ESR2: variants seen among roughly 807,000 people sequenced by gnomAD.
The protein encoded by ESR2 is estrogen receptor beta.
A neutral mutation model predicts 49.6 loss-of-function variants in ESR2; 36 were observed. That is an observed-to-expected ratio of 0.73 (90% CI 0.56 to 0.96). The LOEUF is 0.96. Among genes scored for constraint, ESR2 ranks in the 40% least tolerant of loss-of-function variants. ESR2 has a pLI of 0.00. For missense variants in ESR2, 714 were observed against 693.0 expected, an observed-to-expected ratio of 1.03 and a Z score of -0.34; for synonymous variants, 320 against 266.1, an observed-to-expected ratio of 1.20 and a Z score of -1.97.
intron 1 of ESR2, among the ~76,000 whole-genome samples, chr14:64,325,619 C>T (rs2077379299): frequency 1.3e-5 from 2 of 151,906 alleles, no homozygotes; most frequent in South Asian, 4.2e-4. Flanking sequence ...CCTTGAAGAC[C>T]GATTTGAATT....
chr14:64,316,189 T>G (rs2077252946), intron 1 of ESR2, among the ~76,000 whole-genome samples: 1 of 151,490 alleles, frequency 6.6e-6, no homozygotes, highest in African/African-American at 2.4e-5. Flanking sequence ...TTTTTTTTTT[T>G]TCTGTAGAGA....
intron 7 of ESR2, among the ~76,000 whole-genome samples, chr14:64,243,140 C>A (rs931784497): frequency 2.0e-5 from 3 of 152,206 alleles, no homozygotes; most frequent in Admixed American, 1.3e-4. Flanking sequence ...CAAACCATAT[C>A]ACTTGGTATT....
chr14:64,274,555 T>C (rs1402818516), intron 3 of ESR2, among the ~76,000 whole-genome samples: 1 of 152,176 alleles, frequency 6.6e-6, no homozygotes, highest in African/African-American at 2.4e-5. Context: ...AAAACCTTCA[T>C]ATTTTGTCAA....
chr14:64,320,832 T>C lies in ESR2; in HGVS notation c.-91+17066A>G, dbSNP rs368210101. On this transcript the variant is annotated intron_variant, in intron 1 of 8. Coordinates refer to the ESR2 transcript ENST00000358599. ...ATCTTTTGAACCCAGGAGGCGGAGGTTGCAGTGAGCTGAGATCATGCCATT... is the reference window on the plus strand; with the variant it reads ...ATCTTTTGAACCCAGGAGGCGGAGGCTGCAGTGAGCTGAGATCATGCCATT... Among the ~76,000 whole-genome samples, 44 of 152,096 alleles carry C rather than the reference T, an allele frequency of 2.9e-4. No individual in the cohort carries two copies. In the East Asian group the frequency reaches 7.1e-3, roughly 25 times the overall value.
chr14:64,304,717 C>A (rs1039667421), intron 1 of ESR2, among the ~76,000 whole-genome samples: 2 of 151,594 alleles, frequency 1.3e-5, no homozygotes, highest in Admixed American at 6.6e-5. Flanking sequence ...AAAAAAAAAT[C>A]TTTTAAAAAT....
chr14:64,286,335 G>A (rs1302828276), intron 1 of ESR2, among the ~76,000 whole-genome samples: 1 of 151,776 alleles, frequency 6.6e-6, no homozygotes. Flanking sequence ...GAGTTTCGCT[G>A]TGTCACCCAG....
rs982110667 is a variant in ESR2, at chr14:64,253,352, A to G, written c.1092-3673T>C. Among the ~76,000 whole-genome samples, 3 of 150,246 alleles carry G rather than the reference A, an allele frequency of 2.0e-5. No individual in the cohort carries two copies. The South Asian group carries it at 6.4e-4, about 32-fold the overall frequency. On this transcript the variant is annotated intron_variant, in intron 6 of 8. Transcript: ENST00000341099. Reference sequence around the variant, plus strand: ...ATTACAGGCGCCTGCCACCACACCCAGCTAATTTTTGTATTTTTAGTAAAG... The same window carrying G: ...ATTACAGGCGCCTGCCACCACACCCGGCTAATTTTTGTATTTTTAGTAAAG...
chr14:64,338,407 C>T (rs1160310318), upstream of ESR2: 1 of 154,996 alleles, frequency 6.5e-6, no homozygotes, highest in African/African-American at 2.4e-5. Context: ...AGGGGCCCGA[C>T]CCCAGTCTGG....
At chr14:64,242,422 A>C (rs1295482439) in intron 7 of ESR2, among the ~76,000 whole-genome samples, 16 of 125,230 alleles carry the variant, frequency 1.3e-4, no homozygotes, top group African/African-American at 3.5e-4. Flanking sequence ...AAAAAACAAA[A>C]AAAACAAAAC....
rs759440360 is a variant in ESR2, at chr14:64,235,113, G to A, written c.1263C>T (p.Asp421=). ...YPLVTATQDA[D]SSRKLAHLLN... The stretch of plus-strand genomic sequence containing the variant: ...GCAAGTGAGCCAGCTTCCGGCTGCT[G>A]TCAGCATCCTGGGTCGCTGTGACCA... The change falls in exon 8 of 9, where the codon GAC becomes GAT. Residue 421 remains aspartate, a synonymous_variant. Coordinates refer to ENST00000341099, the MANE Select transcript of ESR2 (RefSeq NM_001437.3). 4.3e-6 allele frequency: 7 copies of A among 1,613,972 alleles called. No homozygotes were observed. The Admixed American group carries it at 1.2e-4, about 27-fold the overall frequency.
chr14:64,317,422 T>C (rs2077269227), intron 1 of ESR2, among the ~76,000 whole-genome samples: 1 of 151,938 alleles, frequency 6.6e-6, no homozygotes, highest in Non-Finnish European at 1.5e-5. Flanking sequence ...TGGCAGAAGG[T>C]GAAGGGGGAG....
At chr14:64,237,019 G>A (rs2075619170) in intron 7 of ESR2, among the ~76,000 whole-genome samples, 1 of 151,682 alleles carries the variant, frequency 6.6e-6, no homozygotes, top group Non-Finnish European at 1.5e-5. Flanking sequence ...GGAGTGCAGT[G>A]GTACAATCTC....
intron 1 of ESR2, among the ~76,000 whole-genome samples, chr14:64,316,713 G>A (rs1485789958): frequency 2.0e-5 from 3 of 152,080 alleles, no homozygotes; most frequent in African/African-American, 4.8e-5. Flanking sequence ...GTAGGCTGAG[G>A]CAAGAGAATC....
chr14:64,274,423 C>T (rs2076515458), intron 3 of ESR2, among the ~76,000 whole-genome samples: 1 of 152,052 alleles, frequency 6.6e-6, no homozygotes, highest in African/African-American at 2.4e-5. Flanking sequence ...CTATAATGAT[C>T]CTTTAGATTT....
At position 64,245,509 on chromosome 14, in the gene ESR2, CAAAAAAAAA is replaced by C. The variant is rs56160081; in HGVS notation, c.1225+4028_1225+4036del. Reference sequence around the variant, plus strand: ...CCTGGGCGACAGGGCAAGACTCTGTCAAAAAAAAAAAAAAAAAAAAAAAAAAAGATTTCT... The same window carrying C: ...CCTGGGCGACAGGGCAAGACTCTGTCAAAAAAAAAAAAAAAAAAGATTTCT... On this transcript the variant is annotated intron_variant, in intron 7 of 8. Transcript: ENST00000341099. 6.0e-3 allele frequency among the ~76,000 whole-genome samples: 394 copies of C among 65,530 alleles called. 4 individuals are homozygous for C. Among genetic ancestry groups the C allele is most frequent in the South Asian group, 0.034 (42 of 1,246 alleles). The allele number at this position is 65,530 out of a possible 152,430, so 43.0% of individuals were successfully genotyped here.
intron 6 of ESR2, among the ~76,000 whole-genome samples, chr14:64,256,094 G>T (rs972659866): frequency 2.6e-5 from 4 of 152,204 alleles, no homozygotes; most frequent in African/African-American, 9.7e-5. Context: ...ACGCTATGCA[G>T]AGTCAGATGT....
intron 1 of ESR2, among the ~76,000 whole-genome samples, chr14:64,309,547 G>C (rs536968712): frequency 1.4e-5 from 2 of 146,620 alleles, no homozygotes; most frequent in East Asian, 4.0e-4. Context: ...GGAGGCAGAG[G>C]TTGCAATGAG....
intron 7 of ESR2, among the ~76,000 whole-genome samples, chr14:64,237,477 C>T (rs556944849): frequency 2.0e-5 from 3 of 152,174 alleles, no homozygotes; most frequent in Admixed American, 6.5e-5. Context: ...CATGGACTTC[C>T]GCTGCCATCA....
chr14:64,308,344 C>T lies in ESR2; in HGVS notation c.-90-25269G>A, dbSNP rs536233535. Among the ~76,000 whole-genome samples, 14 of 152,244 alleles carry T rather than the reference C, an allele frequency of 9.2e-5. No homozygotes were observed. In the South Asian group the frequency reaches 1.7e-3, roughly 18 times the overall value. ...TTTCTAATATAGGCATTTAGTGCTA[C>T]AAGACTCCCTCTAGCACTATTTTAT... is the stretch of plus-strand genomic sequence containing the variant. On this transcript the variant is annotated intron_variant, in intron 1 of 8. Transcript: ENST00000358599.
Sources: allele counts gnomAD v4.1 joint callset (sites outside exome capture counted in the v4.1 genomes callset), GRCh38; gene constraint gnomAD v4.1.1; transcripts MANE v1.5; gene names NCBI Gene and HGNC (gene_info 2026-07-23, HGNC 2026-07-21).